Variants in LRRC37A observed in about 807,000 individuals in gnomAD.
The protein encoded by LRRC37A is leucine-rich repeat-containing protein 37A.
A neutral mutation model predicts 35.4 loss-of-function variants in LRRC37A; 3 were observed. That is an observed-to-expected ratio of 0.08 (90% CI 0.04 to 0.22). The LOEUF (loss-of-function observed/expected upper bound fraction) is 0.22. LRRC37A is among the 10% of genes least tolerant of loss of function. The pLI is 1.00. For missense variants in LRRC37A, 67 were observed against 565.3 expected (o/e 0.12, Z 8.94); for synonymous variants, 23 against 215.0 (o/e 0.11, Z 7.81).
At chr17:46,281,824 A>C in the LRRC37A span, among the ~76,000 whole-genome samples, 4 of 152,014 alleles carry the variant, frequency 2.6e-5, no homozygotes, top group African/African-American at 9.6e-5. Flanking sequence ...TTGTATTTTT[A>C]GTAGAGATGG....
the LRRC37A span, among the ~76,000 whole-genome samples, chr17:46,271,232 G>GTCAGC: frequency 3.5e-5 from 5 of 144,876 alleles, no homozygotes; most frequent in Non-Finnish European, 7.4e-5. Context: ...ATGGCATGAT[G>GTCAGC]TCAGCTCACC....
upstream of LRRC37A, among the ~76,000 whole-genome samples, chr17:46,288,606 T>C (rs1322447206): frequency 2.0e-5 from 3 of 148,776 alleles, no homozygotes; most frequent in African/African-American, 7.5e-5. Context: ...CCTCTTTTCA[T>C]ATTTTTTAAA....
chr17:46,258,973 C>T, the LRRC37A span, among the ~76,000 whole-genome samples: 1 of 149,356 alleles, frequency 6.7e-6, no homozygotes, highest in African/African-American at 2.5e-5. Context: ...CCACCTCAGC[C>T]TCCCAAAGTG....
At chr17:46,271,714 C>G in the LRRC37A span, among the ~76,000 whole-genome samples, 18,466 of 152,176 alleles carry the variant, frequency 0.12, no homozygotes, top group Non-Finnish European at 0.18. Context: ...CACTCTAGGC[C>G]ATTTGGAATA....
chr17:46,267,681 A>ACT, the LRRC37A span, among the ~76,000 whole-genome samples: 21,532 of 151,694 alleles, frequency 0.14, 1,914 homozygotes, highest in Middle Eastern at 0.22. Context: ...TATTTCCGCC[A>ACT]CTGTGATTTA....
the LRRC37A span, among the ~76,000 whole-genome samples, chr17:46,284,224 A>C: frequency 6.6e-6 from 1 of 152,260 alleles, no homozygotes; most frequent in Non-Finnish European, 1.5e-5. Context: ...ATTTCAGACT[A>C]TCACATGGGG....
the LRRC37A span, among the ~76,000 whole-genome samples, chr17:46,270,508 G>A: frequency 6.6e-6 from 1 of 152,226 alleles, no homozygotes; most frequent in Non-Finnish European, 1.5e-5. Context: ...ATTATTGCAT[G>A]ATAGAATTAT....
the LRRC37A span, among the ~76,000 whole-genome samples, chr17:46,284,241 C>T: frequency 1.3e-3 from 205 of 152,346 alleles, 2 homozygotes; most frequent in Admixed American, 0.012. Flanking sequence ...GGGGAGAAAC[C>T]TTGGACAATA....
At chr17:46,315,459 C>T (rs1282325074) in intron 5 of LRRC37A, among the ~76,000 whole-genome samples, 5 of 129,122 alleles carry the variant, frequency 3.9e-5, no homozygotes, top group African/African-American at 1.4e-4. Context: ...CCCGGGAGAT[C>T]GGTGCTGCAG....
intron 7 of LRRC37A, among the ~76,000 whole-genome samples, chr17:46,323,413 T>C (rs2143943848): frequency 9.7e-6 from 1 of 102,590 alleles, no homozygotes; most frequent in East Asian, 2.5e-4. Context: ...TTTTTTGTTT[T>C]TGAAATGGAA....
chr17:46,266,050 T>C, the LRRC37A span, among the ~76,000 whole-genome samples: 1 of 152,210 alleles, frequency 6.6e-6, no homozygotes. Flanking sequence ...TGAGCTGTCA[T>C]ATATAATGAA....
chr17:46,265,399 C>T, the LRRC37A span, among the ~76,000 whole-genome samples: 5 of 151,268 alleles, frequency 3.3e-5, 1 homozygote, highest in South Asian at 1.0e-3. Context: ...CCTTCTCCTC[C>T]TCCTTCCTCC....
At chr17:46,271,121 C>A in the LRRC37A span, among the ~76,000 whole-genome samples, 1 of 150,730 alleles carries the variant, frequency 6.6e-6, no homozygotes, top group Non-Finnish European at 1.5e-5. Flanking sequence ...TATCCCCATT[C>A]TCACATTAAG....
chr17:46,269,585 T>A, the LRRC37A span, among the ~76,000 whole-genome samples: 50,753 of 151,602 alleles, frequency 0.33, 8,364 homozygotes, highest in Middle Eastern at 0.49. Context: ...AAATAAATTT[T>A]AAAAAAGTGC....
chr17:46,275,685 T>A, the LRRC37A span, among the ~76,000 whole-genome samples: 1 of 152,244 alleles, frequency 6.6e-6, no homozygotes, highest in Admixed American at 6.5e-5. Context: ...TTACAACATT[T>A]TCAGGCAACT....
At chr17:46,283,981 G>A in the LRRC37A span, among the ~76,000 whole-genome samples, 10,882 of 132,528 alleles carry the variant, frequency 0.082, 1 homozygote, top group Middle Eastern at 0.15. Context: ...GGCTGCCCGC[G>A]TGTCCCACCT....
chr17:46,277,659 T>TTTCTTTC, the LRRC37A span, among the ~76,000 whole-genome samples: 1 of 151,558 alleles, frequency 6.6e-6, no homozygotes, highest in Non-Finnish European at 1.5e-5. Flanking sequence ...CTTTCTTTTT[T>TTTCTTTC]TTTTTTTGAG....
chr17:46,268,610 G>A, the LRRC37A span: 1 of 1,554,948 alleles, frequency 6.4e-7, no homozygotes, highest in Non-Finnish European at 8.7e-7. Context: ...ATGGACTGCT[G>A]AGGAGCAGCA....
At chr17:46,260,267 G>A in the LRRC37A span, 1 of 1,523,380 alleles carries the variant, frequency 6.6e-7, no homozygotes, top group Non-Finnish European at 8.8e-7. Flanking sequence ...GGGTGGTTGT[G>A]CAGCGGGCGA....
Sources: allele counts gnomAD v4.1 joint callset (sites outside exome capture counted in the v4.1 genomes callset), GRCh38; gene constraint gnomAD v4.1.1; transcripts MANE v1.5; gene names NCBI Gene and HGNC (gene_info 2026-07-23, HGNC 2026-07-21).